Variants in KDM4B observed in about 807,000 individuals in gnomAD.
KDM4B encodes the protein lysine-specific demethylase 4B.
In KDM4B, 32 loss-of-function variants were observed where a neutral mutation model predicts 125.2. The ratio of observed to expected loss-of-function variants is 0.26; its 90% CI spans 0.19 to 0.34. The LOEUF is 0.34. Ranked by LOEUF, KDM4B falls within the 10% of genes least tolerant of loss-of-function variation. The pLI is 1.00. For synonymous variants in KDM4B, 721 were observed against 677.9 expected, an observed-to-expected ratio of 1.06 and a Z score of -0.99; for missense variants, 1,190 against 1,577.7, an observed-to-expected ratio of 0.75 and a Z score of 4.16.
intron 1 of KDM4B, among the ~76,000 whole-genome samples, chr19:5,003,130 G>A (rs2035445258): frequency 6.6e-6 from 1 of 152,148 alleles, no homozygotes; most frequent in Non-Finnish European, 1.5e-5. Flanking sequence ...GCAGAGGTGC[G>A]AGGTGGGGAC....
intron 1 of KDM4B, among the ~76,000 whole-genome samples, chr19:5,011,772 C>T (rs1448621587): frequency 6.6e-6 from 1 of 152,230 alleles, no homozygotes; most frequent in Non-Finnish European, 1.5e-5. Flanking sequence ...AGGGTCAGCC[C>T]TGGGGGCTCC....
At chr19:5,129,913 G>A (rs998334346) in intron 11 of KDM4B, among the ~76,000 whole-genome samples, 1 of 152,192 alleles carries the variant, frequency 6.6e-6, no homozygotes, top group African/African-American at 2.4e-5. Context: ...TGAGTGCGGC[G>A]GCCCTCAGAG....
In KDM4B at chr19:5,035,380, C is replaced by T. The variant is rs1431024313; in HGVS notation, c.141+2349C>T. On this transcript the variant is annotated intron_variant, in intron 3 of 22. Transcript: ENST00000159111. The surrounding 1 kb of genome is among the most constrained non-coding windows in gnomAD (Gnocchi z 5.3). ...GGAATCAGCATCTCAGACCGCCCTG[C>T]GCTCTTCCGAGGTGCCTTTAAATGC... is the stretch of plus-strand genomic sequence containing the variant. Among the ~76,000 whole-genome samples, 1 of 152,128 alleles carries T rather than the reference C, an allele frequency of 6.6e-6. No homozygotes were observed. The highest frequency in any genetic ancestry group is 1.5e-5 in the Non-Finnish European group (1 of 68,014).
intron 1 of KDM4B, among the ~76,000 whole-genome samples, chr19:4,987,532 T>C (rs2034881586): frequency 6.6e-6 from 1 of 152,224 alleles, no homozygotes; most frequent in African/African-American, 2.4e-5. Context: ...GAGTTTGCGA[T>C]GTTTCTGGCT....
chr19:5,063,556 G>A (rs777037344), intron 6 of KDM4B, among the ~76,000 whole-genome samples: 8 of 152,174 alleles, frequency 5.3e-5, no homozygotes, highest in Non-Finnish European at 1.2e-4. Flanking sequence ...AGGGTTTCTG[G>A]TGGGGCCTGT....
At chr19:5,138,838 C>T (rs2039693974) in intron 18 of KDM4B, among the ~76,000 whole-genome samples, 1 of 152,248 alleles carries the variant, frequency 6.6e-6, no homozygotes. Flanking sequence ...CCGCCCACCC[C>T]AGCACCCAGC....
At position 5,035,881 on chromosome 19, in the gene KDM4B, G is replaced by GTGTGTGTGCA. The variant is rs1555696840; in HGVS notation, c.141+2850_141+2851insTGTGTGTGCA. On this transcript the variant is annotated intron_variant, in intron 3 of 22. Transcript: ENST00000159111. The surrounding 1 kb of genome is among the most constrained non-coding windows in gnomAD (Gnocchi z 5.3). ...CGTGTCTCTGTGTGTGTGTGTGTGT[G>GTGTGTGTGCA]CGCGCGCGCGCGCGCCTGCGCGCAC... 6.8e-5 allele frequency among the ~76,000 whole-genome samples: 2 copies of GTGTGTGTGCA among 29,360 alleles called. No individual in the cohort carries two copies. Among genetic ancestry groups the GTGTGTGTGCA allele is most frequent in the South Asian group, 9.2e-4 (1 of 1,090 alleles). 19.3% of individuals were successfully genotyped at this position (29,360 alleles called of 152,430 possible).
intron 18 of KDM4B, 44 bp downstream of exon 18, chr19:5,138,114 G>A (rs370829638): frequency 6.7e-5 from 100 of 1,492,144 alleles, no homozygotes; most frequent in Non-Finnish European, 9.1e-5. Flanking sequence ...TGCCTCTAGG[G>A]CTGCCGGCCA....
intron 9 of KDM4B, among the ~76,000 whole-genome samples, chr19:5,083,813 C>T (rs1430075330): frequency 1.3e-5 from 2 of 152,198 alleles, no homozygotes; most frequent in African/African-American, 2.4e-5. Context: ...TCGTCCCTCC[C>T]AGTGCAGAGC....
At chr19:5,047,881 G>A (rs538490217) in intron 6 of KDM4B, among the ~76,000 whole-genome samples, 11 of 152,200 alleles carry the variant, frequency 7.2e-5, no homozygotes, top group African/African-American at 2.7e-4. Context: ...AAGCTCCCAG[G>A]CCCCTAGAGC....
chr19:5,109,660 C>A (rs2039101975), intron 9 of KDM4B, among the ~76,000 whole-genome samples: 1 of 152,200 alleles, frequency 6.6e-6, no homozygotes, highest in Admixed American at 6.5e-5. Context: ...TTCTTAGCCG[C>A]TGAGTCCCTG....
intron 1 of KDM4B, among the ~76,000 whole-genome samples, chr19:5,004,215 A>T (rs1198616184): frequency 2.6e-5 from 4 of 152,074 alleles, no homozygotes; most frequent in Admixed American, 6.5e-5. Flanking sequence ...CTTCTGGGGG[A>T]AGGAGACTCG....
chr19:5,076,168 C>T (rs2038103959), intron 7 of KDM4B: 1 of 71,298 alleles, frequency 1.4e-5, no homozygotes, highest in Non-Finnish European at 2.7e-5. Context: ...GCATCCTTTC[C>T]CCAGGGTCGT....
At chr19:5,003,259 C>A (rs906647857) in intron 1 of KDM4B, among the ~76,000 whole-genome samples, 2 of 151,782 alleles carry the variant, frequency 1.3e-5, no homozygotes, top group South Asian at 4.2e-4. Context: ...TGGGCCCAGG[C>A]GGGCGGATCA....
chr19:5,033,681 A>G (rs1418552762), intron 3 of KDM4B, among the ~76,000 whole-genome samples: 2 of 152,238 alleles, frequency 1.3e-5, no homozygotes. Flanking sequence ...CATAGTGACC[A>G]GGAGCCTCCT....
rs2039945887 is a variant in KDM4B at position 5,151,428 on chromosome 19, G to A, written c.3208G>A (p.Glu1070Lys). ...RPRVGTPLAT[E>K]DSGRSQDYVA... ...GCGTGTGGGCACCCCGCTTGCCACGGAGGACTCCGGGCGGAGCCAGGACTA... is the reference window on the plus strand; with the variant it reads ...GCGTGTGGGCACCCCGCTTGCCACGAAGGACTCCGGGCGGAGCCAGGACTA... Residue 1070 changes from glutamate (E) to lysine (K), a missense_variant, in exon 23 of 23, where the codon GAG becomes AAG. Physicochemically the swap from Glu to Lys is moderately conservative, Grantham distance 56 (BLOSUM62 1). Transcript: ENST00000159111. 6 of 1,569,002 alleles carry A rather than the reference G, an allele frequency of 3.8e-6. No individual in the cohort carries two copies. The highest frequency in any genetic ancestry group is 2.7e-5 in the African/African-American group (2 of 73,144).
At chr19:5,014,530 C>G (rs1028557106) in intron 1 of KDM4B, among the ~76,000 whole-genome samples, 1 of 152,108 alleles carries the variant, frequency 6.6e-6, no homozygotes, top group African/African-American at 2.4e-5. Context: ...CCGCCTCGGC[C>G]TCCCAAAGTG....
intron 22 of KDM4B, 91 bp from the exon 23 acceptor site, chr19:5,151,244 C>A: frequency 8.7e-7 from 1 of 1,148,946 alleles, no homozygotes; most frequent in South Asian, 2.5e-5. Context: ...GCTCTGTGTC[C>A]AGCCAGCTCC....
At position 5,115,634 on chromosome 19, in the gene KDM4B, G is replaced by T. The variant is rs534854414; in HGVS notation, c.1116-4019G>T. 6.6e-6 allele frequency among the ~76,000 whole-genome samples: 1 copy of T among 152,276 alleles called. No homozygotes were observed. The highest frequency in any genetic ancestry group is 1.5e-5 in the Non-Finnish European group (1 of 68,050). ...GCTGCGCTCCCATGACAAAGGCAGG[G>T]CCTGCACAGCAAAGAAGGGCAGAGC... On this transcript the variant is annotated intron_variant, in intron 10 of 22. Coordinates refer to ENST00000159111, the MANE Select transcript of KDM4B (RefSeq NM_015015.3). This position sits in a 1 kb window ranked among gnomAD's most constrained non-coding sequence, Gnocchi z 4.2.
Sources: gnomAD v4.1 joint callset for allele counts (sites outside exome capture counted in the v4.1 genomes callset) on GRCh38, gnomAD v4.1.1 for gene constraint, Gnocchi (gnomAD v3.1) non-coding constraint, MANE v1.5 for transcripts, NCBI Gene and HGNC (gene_info 2026-07-23, HGNC 2026-07-21) for gene names.